TTLL11: variants seen among roughly 807,000 people sequenced by gnomAD.
The protein encoded by TTLL11 is tubulin polyglutamylase TTLL11.
Under a neutral mutation model 51.7 loss-of-function variants are expected in TTLL11, and 42 were observed. The observed-to-expected ratio is 0.81, with a 90% CI of 0.64 to 1.05. The LOEUF is 1.05. Ranked by LOEUF, TTLL11 falls within the 50% of genes least tolerant of loss-of-function variation. TTLL11 has a pLI of 0.00. For synonymous variants in TTLL11, 381 were observed against 383.5 expected, an observed-to-expected ratio of 0.99 and a Z score of 0.08; for missense variants, 799 against 940.4, an observed-to-expected ratio of 0.85 and a Z score of 1.97.
intron 8 of TTLL11, among the ~76,000 whole-genome samples, chr9:121,826,217 T>TATATATA (rs1491163835): frequency 1.7e-5 from 1 of 58,102 alleles, no homozygotes; most frequent in Non-Finnish European, 3.0e-5. Flanking sequence ...TATATATATA[T>TATATATA]GCACACATAT....
At chr9:121,867,314 C>A (rs1440427179) in intron 7 of TTLL11, among the ~76,000 whole-genome samples, 1 of 152,108 alleles carries the variant, frequency 6.6e-6, no homozygotes, top group Admixed American at 6.5e-5. Context: ...GTAATATGAG[C>A]CCAGGAGCAG....
intron 3 of TTLL11, among the ~76,000 whole-genome samples, chr9:122,027,234 G>A (rs1040775305): frequency 6.6e-6 from 1 of 152,136 alleles, no homozygotes; most frequent in South Asian, 2.1e-4. Flanking sequence ...ACCAAGGGGG[G>A]AAATCTGTCC....
intron 6 of TTLL11, among the ~76,000 whole-genome samples, chr9:121,956,084 C>G (rs184150976): frequency 6.6e-6 from 1 of 151,990 alleles, no homozygotes; most frequent in East Asian, 1.9e-4. Flanking sequence ...TAGCAGCCCA[C>G]AGGCTGCCAT....
intron 6 of TTLL11, among the ~76,000 whole-genome samples, chr9:121,965,136 T>G (rs1481394736): frequency 6.6e-6 from 1 of 152,216 alleles, no homozygotes; most frequent in Non-Finnish European, 1.5e-5. Context: ...CTTTTTTATT[T>G]ATGTAAAATC....
intron 6 of TTLL11, among the ~76,000 whole-genome samples, chr9:121,916,339 TAAG>T (rs1306041766): frequency 6.6e-6 from 1 of 152,176 alleles, no homozygotes; most frequent in East Asian, 1.9e-4. Flanking sequence ...TCAGTATCAC[TAAG>T]AAGGGTTAGA....
chr9:121,827,282 C>T (rs1836841591), intron 8 of TTLL11, among the ~76,000 whole-genome samples: 1 of 152,130 alleles, frequency 6.6e-6, no homozygotes, highest in Non-Finnish European at 1.5e-5. Context: ...TACAGGCCTG[C>T]CACACAGCCC....
chr9:121,885,063 G>C (rs1838956520), intron 6 of TTLL11: 1 of 152,134 alleles, frequency 6.6e-6, no homozygotes, highest in African/African-American at 2.4e-5. Flanking sequence ...GCCCAGATGG[G>C]ATCAATTATT....
intron 6 of TTLL11, among the ~76,000 whole-genome samples, chr9:121,947,392 C>T (rs773223197): frequency 3.9e-5 from 6 of 152,152 alleles, no homozygotes; most frequent in Non-Finnish European, 8.8e-5. Flanking sequence ...GCAGCTGTAT[C>T]ATGCATTTTA....
chr9:122,031,171 A>C (rs149722585), intron 3 of TTLL11, among the ~76,000 whole-genome samples: 12 of 152,362 alleles, frequency 7.9e-5, no homozygotes, highest in Non-Finnish European at 1.8e-4. Context: ...GTTCCACTTC[A>C]CAATCAGTGG....
At chr9:122,067,995 C>T (rs1276603648) in intron 1 of TTLL11, among the ~76,000 whole-genome samples, 1 of 152,148 alleles carries the variant, frequency 6.6e-6, no homozygotes, top group Admixed American at 6.5e-5. Context: ...TATTCTTACA[C>T]AAGTACACAA....
chr9:121,899,365 G>GTGTATATATATATATATATA (rs1226221957), intron 6 of TTLL11, among the ~76,000 whole-genome samples: 7 of 113,216 alleles, frequency 6.2e-5, no homozygotes, highest in South Asian at 3.4e-4. Flanking sequence ...ATGTGTGTGT[G>GTGTATATATATATATATATA]TATATATATA....
intron 6 of TTLL11, among the ~76,000 whole-genome samples, chr9:121,940,567 T>C (rs1431171904): frequency 6.6e-6 from 1 of 152,102 alleles, no homozygotes; most frequent in African/African-American, 2.4e-5. Flanking sequence ...CTCGAACTCC[T>C]GACCTCATGA....
At chr9:121,869,523 A>C (rs143688339) in intron 7 of TTLL11, among the ~76,000 whole-genome samples, 1 of 152,332 alleles carries the variant, frequency 6.6e-6, no homozygotes, top group African/African-American at 2.4e-5. Context: ...TGTTAAAGGG[A>C]TCTAGAGTTA....
At chr9:121,952,724 C>A (rs1841890370) in intron 6 of TTLL11, among the ~76,000 whole-genome samples, 1 of 152,144 alleles carries the variant, frequency 6.6e-6, no homozygotes, top group African/African-American at 2.4e-5. Flanking sequence ...CCTCTCCTTC[C>A]TCATGGAGCT....
At chr9:122,087,710 C>T (rs1454027115) in intron 1 of TTLL11, among the ~76,000 whole-genome samples, 3 of 152,162 alleles carry the variant, frequency 2.0e-5, no homozygotes, top group Non-Finnish European at 4.4e-5. Flanking sequence ...GGTGTCTTTC[C>T]TCTAAGGTGT....
chr9:121,884,580 C>A (rs1478084469), intron 6 of TTLL11: 3 of 151,388 alleles, frequency 2.0e-5, no homozygotes, highest in South Asian at 2.1e-4. Context: ...TACAAAAACA[C>A]CCACTTTTAC....
chr9:122,018,109 C>CTTTT (rs386416144), intron 3 of TTLL11, among the ~76,000 whole-genome samples: 6 of 121,554 alleles, frequency 4.9e-5, no homozygotes, highest in African/African-American at 9.7e-5. Context: ...AATAATGCCA[C>CTTTT]TTTTTTTTTT....
At chr9:121,988,389 C>T (rs1168089427) in intron 4 of TTLL11, among the ~76,000 whole-genome samples, 1 of 151,888 alleles carries the variant, frequency 6.6e-6, no homozygotes, top group Non-Finnish European at 1.5e-5. Flanking sequence ...GCTCTCGACA[C>T]AGCCCCTACC....
At chr9:121,849,147 G>T (rs1291425893) in intron 8 of TTLL11, among the ~76,000 whole-genome samples, 2 of 152,244 alleles carry the variant, frequency 1.3e-5, no homozygotes, top group Non-Finnish European at 2.9e-5. Flanking sequence ...TCAATGTAGA[G>T]AGGTTAGTCT....
Sources: allele counts gnomAD v4.1 joint callset (sites outside exome capture counted in the v4.1 genomes callset), GRCh38; gene constraint gnomAD v4.1.1; transcripts MANE v1.5; gene names NCBI Gene and HGNC (gene_info 2026-07-23, HGNC 2026-07-21).